RBM28: variants seen among roughly 807,000 people sequenced by gnomAD.
RBM28 encodes the protein RNA binding motif protein 28, also known as RNA-binding protein 28.
A neutral mutation model predicts 98.3 loss-of-function variants in RBM28; 78 were observed. The observed-to-expected ratio is 0.79, with a 90% CI of 0.66 to 0.96. The LOEUF (loss-of-function observed/expected upper bound fraction) is 0.96, where lower values mean the gene tolerates loss of function less well. Ranked by LOEUF, RBM28 falls within the 40% of genes least tolerant of loss-of-function variation. The probability of loss-of-function intolerance (pLI) is 0.00; values close to 1 mark genes in which losing one functional copy is unlikely to be tolerated. For synonymous variants in RBM28, 306 were observed against 330.9 expected (o/e 0.92, Z 0.82); for missense variants, 838 against 913.0 (o/e 0.92, Z 1.06).
chr7:128,318,042 G>A lies in RBM28; in HGVS notation c.1628C>T (p.Ala543Val), dbSNP rs1409235872. ...CTCGTGCTCTTGGAACTCCGCAAAG[G>A]CGTAGCCCAGGGACTGACCCTTCAT... is the stretch of plus-strand genomic sequence containing the variant. ...GNMKGQSLGY[A>V]FAEFQEHEHA... Residue 543 changes from alanine (A) to valine (V), a missense_variant, in exon 15 of 19, where the codon GCC (alanine) becomes GTC (valine). Physicochemically the swap from Ala to Val is moderately conservative, Grantham distance 64. Transcript: ENST00000223073. 6.2e-7 allele frequency: 1 copy of A among 1,614,082 alleles called. No homozygotes were observed. The highest frequency in any genetic ancestry group is 1.1e-5 in the South Asian group (1 of 91,086).
At chr7:128,331,117 G>A (rs1480476545) in intron 9 of RBM28, among the ~76,000 whole-genome samples, 189 bp from the exon 10 acceptor site, 2 of 152,068 alleles carry the variant, frequency 1.3e-5, no homozygotes, top group Non-Finnish European at 2.9e-5. Flanking sequence ...CTCTTTCTCA[G>A]GAATCTGAAA....
intron 8 of RBM28, among the ~76,000 whole-genome samples, chr7:128,334,636 T>G (rs1388641509): frequency 6.6e-6 from 1 of 152,330 alleles, no homozygotes; most frequent in African/African-American, 2.4e-5. Flanking sequence ...CCTTCCTCAA[T>G]AAACAAGTTG....
In RBM28 at chr7:128,298,192, T is replaced by C. The variant is rs528487763; in HGVS notation, c.*12605A>G. 1 of 152,312 alleles carries C rather than the reference T, an allele frequency of 6.6e-6. No individual in the cohort carries two copies. Among genetic ancestry groups the C allele is most frequent in the South Asian group, 2.1e-4 (1 of 4,832 alleles). 9.4% of individuals were successfully genotyped at this position (152,312 alleles called of 1,614,324 possible). A position where few individuals can be genotyped will look rare whatever the true frequency, so the allele number is the denominator to read the frequency against. ...TAGACCCTTATCAGTAGTTCTGTTT[T>C]GCCTTTTGTCTTGTTTCCTCAGAAG... On this transcript the variant is annotated 3_prime_UTR_variant, in exon 19 of 19. Coordinates refer to ENST00000223073, the MANE Select transcript of RBM28 (RefSeq NM_018077.3).
Position 128,318,079 on chromosome 7 carries a change from C to A in RBM28, c.1591G>T (p.Val531Phe), listed in dbSNP as rs771450711. Residue 531 changes from valine (V) to phenylalanine (F), a missense_variant, in exon 15 of 19, where the codon GTT becomes TTT. Val to Phe is a conservative substitution (Grantham distance 50). Coordinates refer to ENST00000223073, the MANE Select transcript of RBM28 (RefSeq NM_018077.3). ...ECRVMRDLKG[V>F]HGNMKGQSLG... is the part of the protein sequence containing the mutation. ...GACTGACCCTTCATGTTCCCATGAA[C>A]TCCTTTGAGGTCTCGCATCACTCTA... The A allele has an allele frequency of 1.2e-6, 2 of 1,613,438 alleles. No homozygotes were observed. The highest frequency in any genetic ancestry group is 1.7e-6 in the Non-Finnish European group (2 of 1,179,360).
At chr7:128,329,051 C>T (rs1391473625) in intron 10 of RBM28, among the ~76,000 whole-genome samples, 1 of 152,046 alleles carries the variant, frequency 6.6e-6, no homozygotes. Flanking sequence ...CCTGGGCTCC[C>T]CGCAGCCTCC....
In RBM28 at chr7:128,303,931, TA is replaced by T. The variant is rs1795815480; in HGVS notation, c.*6865del. 1 of 152,036 alleles carries T rather than the reference TA, an allele frequency of 6.6e-6. No individual in the cohort carries two copies. The highest frequency in any genetic ancestry group is 6.6e-5 in the Admixed American group (1 of 15,262). 9.4% of individuals were successfully genotyped at this position (152,036 alleles called of 1,614,324 possible). On this transcript the variant is annotated 3_prime_UTR_variant, in exon 19 of 19. Transcript: ENST00000223073. ...AAGTATTTAAGCATAAGGAACAGAA[TA>T]GTTTCGAGGGAAGGATAAGAAAGAG...
At chr7:128,326,874 T>G (rs940544587) in intron 10 of RBM28, among the ~76,000 whole-genome samples, 47 of 151,900 alleles carry the variant, frequency 3.1e-4, no homozygotes, top group Non-Finnish European at 7.4e-5. Flanking sequence ...GTGTGGTGGC[T>G]TACACTTGTA....
chr7:128,337,704 T>C lies in RBM28; in HGVS notation c.542-502A>G, dbSNP rs1040135886. On this transcript the variant is annotated intron_variant, in intron 5 of 18. Coordinates refer to ENST00000223073, the MANE Select transcript of RBM28 (RefSeq NM_018077.3). ...TCTTGAGTAGCTGGGATTACAAGCATGCACCACCACACCTGGCTAATTTTT... is the reference window on the plus strand; with the variant it reads ...TCTTGAGTAGCTGGGATTACAAGCACGCACCACCACACCTGGCTAATTTTT... Among the ~76,000 whole-genome samples, 2 of 151,808 alleles carry C rather than the reference T, an allele frequency of 1.3e-5. 1 individual carries two copies. Among genetic ancestry groups the C allele is most frequent in the South Asian group, 4.2e-4 (2 of 4,806 alleles).
chr7:128,324,650 C>T lies in RBM28; in HGVS notation c.1248G>A (p.Leu416=), dbSNP rs755394726. The T allele has an allele frequency of 6.2e-7, 1 of 1,614,198 alleles. No individual in the cohort carries two copies. The highest frequency in any genetic ancestry group is 1.1e-5 in the South Asian group (1 of 91,078). ...TTGCAGCCTCATCACGGGTCACCGCCAAGTCAACCTTGAGCTGCCGGCCAT... is the reference window on the plus strand; with the variant it reads ...TTGCAGCCTCATCACGGGTCACCGCTAAGTCAACCTTGAGCTGCCGGCCAT... The part of the protein sequence containing the change: ...KLDGRQLKVD[L]AVTRDEAAKL... Residue 416 remains leucine, a synonymous_variant, in exon 12 of 19, where the codon TTG becomes TTA. Transcript: ENST00000223073.
chr7:128,328,023 A>G (rs1477353594), intron 10 of RBM28, among the ~76,000 whole-genome samples: 1 of 152,130 alleles, frequency 6.6e-6, no homozygotes, highest in Non-Finnish European at 1.5e-5. Context: ...GGCCAACACA[A>G]AGGTCACCAT....
At position 128,306,228 on chromosome 7, in the gene RBM28, G is replaced by C. The variant is rs1237314409; in HGVS notation, c.*4569C>G. ...CACGGAGATGTTGGGCCTTGAGCCA[G>C]AACTTGAGTGCTGGATAACACTTGA... On this transcript the variant is annotated 3_prime_UTR_variant, in exon 19 of 19. Coordinates refer to ENST00000223073, the MANE Select transcript of RBM28 (RefSeq NM_018077.3). 1 of 152,298 alleles carries C rather than the reference G, an allele frequency of 6.6e-6. No homozygotes were observed. Among genetic ancestry groups the C allele is most frequent in the African/African-American group, 2.4e-5 (1 of 41,462 alleles). 9.4% of individuals were successfully genotyped at this position (152,298 alleles called of 1,614,324 possible). A position where few individuals can be genotyped will look rare whatever the true frequency, so the allele number is the denominator to read the frequency against.
At chr7:128,333,389 T>G in intron 8 of RBM28, 27 bp from the exon 9 acceptor site, 1 of 1,521,350 alleles carries the variant, frequency 6.6e-7, no homozygotes, top group Non-Finnish European at 9.1e-7. Flanking sequence ...AACAACAAAC[T>G]GAAAGAGATT....
At position 128,343,773 on chromosome 7, in the gene RBM28, A is replaced by T; in HGVS notation, c.21T>A (p.Phe7Leu). 2.5e-6 allele frequency: 4 copies of T among 1,608,454 alleles called. No individual in the cohort carries two copies. Among genetic ancestry groups the T allele is most frequent in the Non-Finnish European group, 3.4e-6 (4 of 1,177,330 alleles). ...GGGCCGAGGGCGGGAGGCGGCCCAC[A>T]AATAAGGTCAGGCCGGCCATGAGAC... Reference protein sequence around the residue: MAGLTLFVGRLPPSARS... With the variant: MAGLTLLVGRLPPSARS... The change falls in exon 1 of 19, where the codon TTT becomes TTA. Residue 7 changes from phenylalanine to leucine, a missense_variant. Phe to Leu is a conservative substitution (Grantham distance 22, BLOSUM62 0). Transcript: ENST00000223073.
chr7:128,320,236 G>GA (rs1450369105), intron 14 of RBM28, among the ~76,000 whole-genome samples: 6 of 8,836 alleles, frequency 6.8e-4, no homozygotes, highest in African/African-American at 1.9e-3. Flanking sequence ...AAAAAAAAAA[G>GA]AAAGAAAGAA....
chr7:128,343,468 A>C lies in RBM28; in HGVS notation c.118+208T>G, dbSNP rs1796772181. ...ATTTTTAGCGCGCATAATCAACAGAAAGCGCTATAGAAACGTAAGGGAATG... is the reference window on the plus strand; with the variant it reads ...ATTTTTAGCGCGCATAATCAACAGACAGCGCTATAGAAACGTAAGGGAATG... On this transcript the variant is annotated intron_variant, in intron 1 of 18. Transcript: ENST00000223073. Among the ~76,000 whole-genome samples, 3 of 152,186 alleles carry C rather than the reference A, an allele frequency of 2.0e-5. No individual in the cohort carries two copies. In the South Asian group the frequency reaches 6.2e-4, roughly 31 times the overall value.
chr7:128,335,462 T>C, intron 8 of RBM28, 81 bp downstream of exon 8: 2 of 1,549,438 alleles, frequency 1.3e-6, no homozygotes, highest in East Asian at 4.5e-5. Flanking sequence ...TAAAAAGAGA[T>C]CTAAGCAGAA....
At chr7:128,323,116 C>T (rs1796271775) in intron 13 of RBM28, among the ~76,000 whole-genome samples, 1 of 152,122 alleles carries the variant, frequency 6.6e-6, no homozygotes, top group African/African-American at 2.4e-5. Context: ...CTGACAGCTA[C>T]CCCTTTCAAG....
chr7:128,333,980 T>C (rs1446046541), intron 8 of RBM28, among the ~76,000 whole-genome samples: 1 of 152,240 alleles, frequency 6.6e-6, no homozygotes, highest in Non-Finnish European at 1.5e-5. Context: ...GGAAAAAACA[T>C]ACACATACAA....
At position 128,305,311 on chromosome 7, in the gene RBM28, T is replaced by C. The variant is rs1795844821; in HGVS notation, c.*5486A>G. The C allele has an allele frequency of 6.6e-6, 1 of 152,110 alleles. No individual in the cohort carries two copies. The highest frequency in any genetic ancestry group is 2.4e-5 in the African/African-American group (1 of 41,398). 9.4% of individuals were successfully genotyped at this position (152,110 alleles called of 1,614,324 possible). ...CCATGGACCAGAATACAAGATAGCA[T>C]TTTTTCTGCAGTAGTATCCAAAGCA... On this transcript the variant is annotated 3_prime_UTR_variant, in exon 19 of 19. Transcript: ENST00000223073.
Sources: allele counts gnomAD v4.1 joint callset (sites outside exome capture counted in the v4.1 genomes callset), GRCh38; gene constraint gnomAD v4.1.1; transcripts MANE v1.5; gene names NCBI Gene and HGNC (gene_info 2026-07-23, HGNC 2026-07-21).